RAB9A: variants seen among roughly 807,000 people sequenced by gnomAD.
RAB9A encodes RAB9A, member RAS oncogene family, also known as ras-related protein Rab-9A.
RAB9A carries 1 observed loss-of-function variant against 10.3 expected under a neutral mutation model. The ratio of observed to expected loss-of-function variants is 0.10; its 90% CI spans 0.03 to 0.46. RAB9A has a LOEUF of 0.46. Among genes scored for constraint, RAB9A ranks in the 20% least tolerant of loss-of-function variants. The pLI, the probability that RAB9A is intolerant of heterozygous loss-of-function variation, is 0.96. For synonymous variants in RAB9A, 39 were observed against 55.2 expected (o/e 0.71, Z 1.30); for missense variants, 92 against 150.3 (o/e 0.61, Z 2.03).
chrX:13,708,409 T>C (rs1055755553), intron 2 of RAB9A, among the ~76,000 whole-genome samples: 1 of 110,874 alleles, frequency 9.0e-6, no homozygotes, highest in East Asian at 2.8e-4. Context: ...GGGCTTACTA[T>C]GAGCAGAGAG....
chrX:13,708,791 T>C lies in RAB9A; in HGVS notation c.45T>C (p.Asp15=), dbSNP rs1187073885. 3 of 1,197,162 alleles carry C rather than the reference T, an allele frequency of 2.5e-6. No individual in the cohort carries two copies. The highest frequency in any genetic ancestry group is 3.4e-6 in the Non-Finnish European group (3 of 886,536). The change falls in exon 3 of 3, where the codon GAT becomes GAC. Residue 15 remains aspartate, a synonymous_variant. Coordinates refer to ENST00000464506, the MANE Select transcript of RAB9A (RefSeq NM_004251.5). ...SSLFKVILLG[D]GGVGKSSLMN... ...TTTTTAAAGTAATTCTCCTTGGAGA[T>C]GGTGGAGTTGGGAAGAGTTCACTTA...
rs2046212486 is a variant in RAB9A at position 13,709,470 on chromosome X, T to A, written c.*118T>A. On this transcript the variant is annotated 3_prime_UTR_variant, in exon 3 of 3. Transcript: ENST00000464506. ...TCATCTACTAATAAAATTAAACTAA[T>A]GTTGCTGCTTCATTAGTTGGTGGGA... The A allele has an allele frequency of 1.2e-6, 1 of 842,297 alleles. No individual in the cohort carries two copies. The highest frequency in any genetic ancestry group is 2.1e-5 in the African/African-American group (1 of 48,609). 69.4% of individuals were successfully genotyped at this position (842,297 alleles called of 1,213,427 possible). A position where few individuals can be genotyped will look rare whatever the true frequency, so the allele number is the denominator to read the frequency against.
chrX:13,703,996 A>T (rs1432411824), intron 2 of RAB9A, 94 bp downstream of exon 2: 1 of 111,870 alleles, frequency 8.9e-6, no homozygotes, highest in Non-Finnish European at 1.9e-5. Context: ...TGCCAGGAAG[A>T]AGTTTTCTTT....
Position 13,689,236 on chromosome X carries a change from C to G in RAB9A, c.-168C>G, listed in dbSNP as rs921122773. ...CCCGACCCTCTCTCTGTCCTCATTG[C>G]GCCCAGACGGGCCGGCCCAGAGCTC... On this transcript the variant is annotated 5_prime_UTR_variant, in exon 1 of 3. Transcript: ENST00000464506. The G allele has an allele frequency of 8.8e-6, 1 of 113,348 alleles. No individual in the cohort carries two copies. Among genetic ancestry groups the G allele is most frequent in the Non-Finnish European group, 1.9e-5 (1 of 53,348 alleles). The allele number at this position is 113,348 out of a possible 1,213,427, so 9.3% of individuals were successfully genotyped here. A position where few individuals can be genotyped will look rare whatever the true frequency, so the allele number is the denominator to read the frequency against.
intron 1 of RAB9A, among the ~76,000 whole-genome samples, chrX:13,702,720 C>G (rs1239483762): frequency 8.9e-6 from 1 of 111,830 alleles, no homozygotes; most frequent in Non-Finnish European, 1.9e-5. Flanking sequence ...ATCCCTTGCA[C>G]TATTTTAAGG....
At chrX:13,697,918 A>G (rs185845976) in intron 1 of RAB9A, among the ~76,000 whole-genome samples, 33 of 111,472 alleles carry the variant, frequency 3.0e-4, no homozygotes, top group Non-Finnish European at 4.5e-4. Context: ...AATTAACCAC[A>G]CTCTAGGCCT....
chrX:13,698,073 G>A (rs754460339), intron 1 of RAB9A, among the ~76,000 whole-genome samples: 31 of 111,485 alleles, frequency 2.8e-4, no homozygotes, highest in Admixed American at 1.2e-3. Context: ...ATTGGACAGT[G>A]CAGATTATAG....
intron 2 of RAB9A, 99 bp from the exon 3 acceptor site, chrX:13,708,622 G>A: frequency 1.3e-6 from 1 of 773,384 alleles, no homozygotes; most frequent in East Asian, 3.3e-5. Context: ...TATTCCCTGG[G>A]GCCATATGTT....
intron 1 of RAB9A, among the ~76,000 whole-genome samples, chrX:13,700,197 A>G (rs1034768171): frequency 6.3e-5 from 7 of 111,736 alleles, no homozygotes; most frequent in African/African-American, 2.3e-4. Context: ...TGATCTGCCC[A>G]TCTCGGCTTC....
intron 1 of RAB9A, among the ~76,000 whole-genome samples, chrX:13,696,850 T>G (rs1340596037): frequency 9.0e-6 from 1 of 111,543 alleles, no homozygotes; most frequent in Non-Finnish European, 1.9e-5. Context: ...AAAAGTCAGT[T>G]TCAACACTTC....
At chrX:13,703,620 G>C (rs1377835654) in intron 1 of RAB9A, 194 bp from the exon 2 acceptor site, 1 of 112,039 alleles carries the variant, frequency 8.9e-6, no homozygotes, top group Non-Finnish European at 1.9e-5. Flanking sequence ...GTTCCACATA[G>C]TGATCACTGG....
chrX:13,704,337 A>G (rs1436767595), intron 2 of RAB9A, among the ~76,000 whole-genome samples: 3 of 112,223 alleles, frequency 2.7e-5, no homozygotes, highest in Non-Finnish European at 5.6e-5. Context: ...GAAAAATGCA[A>G]TGATTAAAGT....
At chrX:13,698,197 T>C (rs1034436148) in intron 1 of RAB9A, among the ~76,000 whole-genome samples, 9 of 49,122 alleles carry the variant, frequency 1.8e-4, no homozygotes, top group Admixed American at 3.2e-4. Flanking sequence ...TTTCTTTTTT[T>C]TTTTTTTTTT....
At chrX:13,701,986 G>A (rs369740113) in intron 1 of RAB9A, among the ~76,000 whole-genome samples, 9 of 110,848 alleles carry the variant, frequency 8.1e-5, no homozygotes, top group African/African-American at 3.0e-4. Flanking sequence ...TTAGCTTTCT[G>A]GACTCCTTAT....
Position 13,709,597 on chromosome X carries a change from A to G in RAB9A, c.*245A>G, listed in dbSNP as rs1249060704. 4.2e-6 allele frequency: 1 copy of G among 235,922 alleles called. No individual in the cohort carries two copies. Among genetic ancestry groups the G allele is most frequent in the Admixed American group, 6.5e-5 (1 of 15,302 alleles). The allele number at this position is 235,922 out of a possible 1,213,427, so 19.4% of individuals were successfully genotyped here. A position where few individuals can be genotyped will look rare whatever the true frequency, so the allele number is the denominator to read the frequency against. ...CTAATAACGTTTCTTTAATTTAAAT[A>G]TGTAAGTTGCAGAGCTAATAAATGA... On this transcript the variant is annotated 3_prime_UTR_variant, in exon 3 of 3. Transcript: ENST00000464506.
intron 1 of RAB9A, among the ~76,000 whole-genome samples, chrX:13,702,419 A>C (rs1179086954): frequency 8.9e-6 from 1 of 112,266 alleles, no homozygotes; most frequent in Admixed American, 9.4e-5. Context: ...GCTTTGGAAC[A>C]CATCACACTA....
chrX:13,699,410 G>C (rs780936798), intron 1 of RAB9A, among the ~76,000 whole-genome samples: 1 of 112,477 alleles, frequency 8.9e-6, no homozygotes, highest in African/African-American at 3.2e-5. Flanking sequence ...CAAATGTAGA[G>C]CATTGTACGA....
intron 1 of RAB9A, among the ~76,000 whole-genome samples, chrX:13,698,181 CTTTTTTTTCTTTTTTTTTTTTTT>C (rs2146749251): frequency 1.3e-5 from 1 of 76,785 alleles, no homozygotes; most frequent in Admixed American, 1.4e-4. Context: ...TCTTCTTTTT[CTTTTTTTTCTTTTTTTTTTTTTT>C]TTTTTTTTTG....
At chrX:13,700,643 A>G (rs1401075528) in intron 1 of RAB9A, among the ~76,000 whole-genome samples, 1 of 112,046 alleles carries the variant, frequency 8.9e-6, no homozygotes, top group African/African-American at 3.2e-5. Flanking sequence ...GTACATGTAA[A>G]TGATTTATTT....
Sources: gnomAD v4.1 joint callset for allele counts (sites outside exome capture counted in the v4.1 genomes callset) on GRCh38, gnomAD v4.1.1 for gene constraint, MANE v1.5 for transcripts, NCBI Gene and HGNC (gene_info 2026-07-23, HGNC 2026-07-21) for gene names.